PTPRE: variants seen among roughly 807,000 people sequenced by gnomAD.
PTPRE encodes the protein protein tyrosine phosphatase receptor type E.
PTPRE carries 51 observed loss-of-function variants against 102.0 expected under a neutral mutation model. That is an observed-to-expected ratio of 0.50 (90% confidence interval 0.40 to 0.63). PTPRE has a LOEUF of 0.63. PTPRE is among the 30% of genes least tolerant of loss of function. The pLI, the probability that PTPRE is intolerant of heterozygous loss-of-function variation, is 0.00. For missense variants in PTPRE, 752 were observed against 915.1 expected (o/e 0.82, Z 2.30); for synonymous variants, 345 against 348.2 (o/e 0.99, Z 0.10).
Position 127,907,320 on chromosome 10 carries a change from G to A in PTPRE, c.-31+11G>A, listed in dbSNP as rs1398486854. The A allele has an allele frequency of 3.0e-6, 3 of 984,632 alleles. No homozygotes were observed. The highest frequency in any genetic ancestry group is 6.2e-5 in the Admixed American group (1 of 16,214). The allele number at this position is 984,632 out of a possible 1,614,324, so 61.0% of individuals were successfully genotyped here. A position where few individuals can be genotyped will look rare whatever the true frequency, so the allele number is the denominator to read the frequency against. On this transcript the variant is annotated intron_variant, in intron 1 of 20. Coordinates refer to ENST00000254667, the MANE Select transcript of PTPRE (RefSeq NM_006504.6). This position sits in a 1 kb window ranked among gnomAD's most constrained non-coding sequence, Gnocchi z 4.8. Reference sequence around the variant, plus strand: ...ACCGGCCCCCCCGAGGTGAGCGCGCGTGCGGACAGGGACCCTGCGCCCCTG... The same window carrying A: ...ACCGGCCCCCCCGAGGTGAGCGCGCATGCGGACAGGGACCCTGCGCCCCTG...
chr10:127,941,230 A>T (rs1306672369), intron 1 of PTPRE, among the ~76,000 whole-genome samples: 1 of 152,186 alleles, frequency 6.6e-6, no homozygotes, highest in Non-Finnish European at 1.5e-5. Context: ...AGAATCAAGA[A>T]CTTCAGATTA....
intron 2 of PTPRE, among the ~76,000 whole-genome samples, chr10:128,010,613 C>T (rs553821334): frequency 4.8e-5 from 5 of 104,688 alleles, no homozygotes; most frequent in East Asian, 4.3e-4. Flanking sequence ...GATGGAGTCT[C>T]GCTCTGTCGC....
chr10:127,968,806 A>G (rs534922621), intron 1 of PTPRE, among the ~76,000 whole-genome samples: 2 of 152,378 alleles, frequency 1.3e-5, no homozygotes, highest in South Asian at 2.1e-4. Context: ...TGAGCAGACC[A>G]TAGTATAAAT....
chr10:127,915,326 C>G (rs1846130835), intron 1 of PTPRE, among the ~76,000 whole-genome samples: 1 of 152,134 alleles, frequency 6.6e-6, no homozygotes, highest in Non-Finnish European at 1.5e-5. Context: ...TGGTTTTCCT[C>G]TTTCTGAAAG....
chr10:127,999,851 A>G (rs1403250398), intron 2 of PTPRE: 14 of 985,300 alleles, frequency 1.4e-5, no homozygotes, highest in African/African-American at 1.7e-5. Context: ...TGCCTTTCGC[A>G]TCAGTAGCCT....
intron 1 of PTPRE, among the ~76,000 whole-genome samples, chr10:127,933,059 C>A (rs1847565154): frequency 6.6e-6 from 1 of 152,204 alleles, no homozygotes; most frequent in Non-Finnish European, 1.5e-5. Flanking sequence ...TGCTCCTCGT[C>A]TGCCTTTAAG....
chr10:128,009,952 G>T (rs183196280), intron 2 of PTPRE, among the ~76,000 whole-genome samples: 1 of 152,326 alleles, frequency 6.6e-6, no homozygotes, highest in East Asian at 1.9e-4. Context: ...AGGCAAGACT[G>T]ATAATTGCAC....
At chr10:128,032,835 C>G (rs937645841) in intron 2 of PTPRE, among the ~76,000 whole-genome samples, 3 of 152,202 alleles carry the variant, frequency 2.0e-5, no homozygotes, top group Non-Finnish European at 4.4e-5. Context: ...TCTCTTCTTC[C>G]ATGGGCTTGG....
intron 16 of PTPRE, 150 bp downstream of exon 16, chr10:128,072,364 A>G (rs1378444838): frequency 1.8e-5 from 13 of 729,474 alleles, no homozygotes; most frequent in Non-Finnish European, 2.6e-5. Context: ...TGCTTAAAAA[A>G]AAAAGTGGCA....
chr10:127,951,299 G>A (rs780188904), intron 1 of PTPRE, among the ~76,000 whole-genome samples: 1 of 152,172 alleles, frequency 6.6e-6, no homozygotes, highest in Non-Finnish European at 1.5e-5. Context: ...CCTCCAGGAA[G>A]GACTCTGGTA....
chr10:128,022,368 C>T (rs1845964512), intron 2 of PTPRE, among the ~76,000 whole-genome samples: 1 of 152,244 alleles, frequency 6.6e-6, no homozygotes, highest in African/African-American at 2.4e-5. Context: ...CTTCTCACAA[C>T]CTTCCTGTCC....
intron 2 of PTPRE, among the ~76,000 whole-genome samples, chr10:128,012,981 T>C (rs577655415): frequency 6.6e-6 from 1 of 152,210 alleles, no homozygotes; most frequent in Admixed American, 6.5e-5. Flanking sequence ...TCAGCATTTC[T>C]TTAAAAATTC....
At chr10:127,908,863 G>A (rs563749417) in intron 1 of PTPRE, among the ~76,000 whole-genome samples, 211 of 152,346 alleles carry the variant, frequency 1.4e-3, no homozygotes, top group Non-Finnish European at 1.6e-3. Flanking sequence ...CTAGGAGCTA[G>A]ATTTGTCTCT....
At chr10:127,997,723 CA>C (rs1216221693) in intron 2 of PTPRE, among the ~76,000 whole-genome samples, 1 of 151,968 alleles carries the variant, frequency 6.6e-6, no homozygotes, top group African/African-American at 2.4e-5. Context: ...GAACTAACAA[CA>C]AAAAAATATA....
At chr10:127,966,069 AGT>A (rs1850224628) in intron 1 of PTPRE, among the ~76,000 whole-genome samples, 1 of 152,212 alleles carries the variant, frequency 6.6e-6, no homozygotes, top group Non-Finnish European at 1.5e-5. Context: ...GAACACAGTA[AGT>A]GTGGATCTAC....
chr10:127,970,606 G>A (rs982996848), intron 1 of PTPRE, among the ~76,000 whole-genome samples: 2 of 151,850 alleles, frequency 1.3e-5, no homozygotes, highest in Non-Finnish European at 2.9e-5. Flanking sequence ...TTACACAGTA[G>A]AGCCACCGAT....
At chr10:128,058,296 C>A (rs1019143667) in intron 7 of PTPRE, among the ~76,000 whole-genome samples, 1 of 152,192 alleles carries the variant, frequency 6.6e-6, no homozygotes, top group Admixed American at 6.5e-5. Flanking sequence ...CTTCTCTGAG[C>A]CACGTTCTCA....
chr10:128,061,824 T>G (rs189991136), intron 9 of PTPRE, 109 bp downstream of exon 9: 76 of 1,333,048 alleles, frequency 5.7e-5, no homozygotes, highest in Non-Finnish European at 7.1e-5. Flanking sequence ...TGTGTGTGTG[T>G]GTTTACACCT....
At position 128,051,895 on chromosome 10, in the gene PTPRE, G is replaced by A. The variant is rs7906318; in HGVS notation, c.420+2229G>A. The stretch of plus-strand genomic sequence containing the variant: ...ATTTGTTTGTTTGAGATGGGGTCTC[G>A]CTGTGTCTCCCAGGCTGGAGTGCAG... On this transcript the variant is annotated intron_variant, in intron 6 of 20. Transcript: ENST00000254667. 9.6e-3 allele frequency among the ~76,000 whole-genome samples: 1,463 copies of A among 152,198 alleles called. 30 individuals are homozygous for A. Among genetic ancestry groups the A allele is most frequent in the African/African-American group, 0.033 (1,372 of 41,528 alleles).
Sources: allele counts gnomAD v4.1 joint callset (sites outside exome capture counted in the v4.1 genomes callset), GRCh38; gene constraint gnomAD v4.1.1; non-coding constraint Gnocchi (gnomAD v3.1); transcripts MANE v1.5; gene names NCBI Gene and HGNC (gene_info 2026-07-23, HGNC 2026-07-21).